Variants in ATP8A2 observed in about 807,000 individuals in gnomAD.
ATP8A2 encodes phospholipid-transporting ATPase IB.
ATP8A2 carries 100 observed loss-of-function variants against 165.6 expected under a neutral mutation model. The observed-to-expected ratio is 0.60, with a 90% CI of 0.51 to 0.71. The LOEUF is 0.71. ATP8A2 is among the 30% of genes least tolerant of loss of function. ATP8A2 has a pLI of 0.00. For missense variants in ATP8A2, 1,227 were observed against 1,479.5 expected (o/e 0.83, Z 2.80); for synonymous variants, 543 against 548.8 (o/e 0.99, Z 0.15).
chr13:25,952,508 A>G (rs1955396794), intron 33 of ATP8A2, among the ~76,000 whole-genome samples: 1 of 151,816 alleles, frequency 6.6e-6, no homozygotes, highest in Non-Finnish European at 1.5e-5. Context: ...AGCCTCCCAA[A>G]TTTCTGGGAC....
intron 13 of ATP8A2, among the ~76,000 whole-genome samples, chr13:25,556,472 G>T (rs2038985021): frequency 6.6e-6 from 1 of 151,984 alleles, no homozygotes; most frequent in African/African-American, 2.4e-5. Context: ...TTTGGTTTTT[G>T]CTTGTTCAGT....
intron 33 of ATP8A2, among the ~76,000 whole-genome samples, chr13:25,941,178 C>T (rs1269546588): frequency 2.0e-5 from 3 of 152,166 alleles, no homozygotes; most frequent in East Asian, 1.9e-4. Context: ...CTGGGGGACA[C>T]TTCCCCCTCC....
Position 25,579,871 on chromosome 13 carries a change from A to C in ATP8A2, c.1931A>C (p.Lys644Thr), listed in dbSNP as rs1593576921. The change falls in exon 22 of 37, where the codon AAA becomes ACA. Residue 644 changes from lysine (K) to threonine (T), a missense_variant. Coordinates refer to ENST00000381655, the MANE Select transcript of ATP8A2 (RefSeq NM_016529.6). ...LSENEYEEWL[K>T]VYQEASTILK... Reference sequence around the variant, plus strand: ...GAGAATGAGTATGAGGAGTGGCTGAAAGTCTATCAGGAAGCCAGCACCATA... The same window carrying C: ...GAGAATGAGTATGAGGAGTGGCTGACAGTCTATCAGGAAGCCAGCACCATA... The C allele has an allele frequency of 2.5e-5, 40 of 1,614,068 alleles. No individual in the cohort carries two copies. Among genetic ancestry groups the C allele is most frequent in the Non-Finnish European group, 3.3e-5 (39 of 1,180,000 alleles).
chr13:25,635,113 TG>T (rs1191354207), intron 24 of ATP8A2, among the ~76,000 whole-genome samples: 1 of 152,218 alleles, frequency 6.6e-6, no homozygotes, highest in Non-Finnish European at 1.5e-5. Flanking sequence ...CTTTGCTCTG[TG>T]CTGGGGATGT....
At chr13:25,751,893 A>G (rs1202133450) in intron 25 of ATP8A2, among the ~76,000 whole-genome samples, 1 of 150,844 alleles carries the variant, frequency 6.6e-6, no homozygotes, top group Non-Finnish European at 1.5e-5. Flanking sequence ...TTATCACTGC[A>G]TGTATATGTA....
chr13:25,829,680 A>G lies in ATP8A2; in HGVS notation c.2754+1488A>G, dbSNP rs1254808058. Among the ~76,000 whole-genome samples the G allele has an allele frequency of 8.3e-4, 24 of 28,894 alleles. 1 individual carries two copies. The highest frequency in any genetic ancestry group is 3.1e-3 in the African/African-American group (23 of 7,364). 19.0% of individuals were successfully genotyped at this position (28,894 alleles called of 152,430 possible). Reference sequence around the variant, plus strand: ...AAGGACAGGTGTGGTATATATATATATATATATATATATATATATATATAT... The same window carrying G: ...AAGGACAGGTGTGGTATATATATATGTATATATATATATATATATATATAT... On this transcript the variant is annotated intron_variant, in intron 28 of 36. Transcript: ENST00000381655.
intron 33 of ATP8A2, among the ~76,000 whole-genome samples, chr13:25,947,957 G>C (rs1048231468): frequency 6.6e-6 from 1 of 152,104 alleles, no homozygotes; most frequent in African/African-American, 2.4e-5. Context: ...ATGAGGGGAC[G>C]TTCACCTGCA....
At chr13:25,965,625 A>T (rs529928819) in intron 34 of ATP8A2, among the ~76,000 whole-genome samples, 1 of 152,212 alleles carries the variant, frequency 6.6e-6, no homozygotes, top group South Asian at 2.1e-4. Flanking sequence ...TTTACTGATG[A>T]CAGCATGCTT....
intron 1 of ATP8A2, among the ~76,000 whole-genome samples, chr13:25,449,875 A>C (rs879789665): frequency 1.3e-5 from 2 of 152,120 alleles, no homozygotes; most frequent in Non-Finnish European, 2.9e-5. Flanking sequence ...GGTTTGTTAC[A>C]TAGGTAAACT....
At chr13:25,770,700 C>T (rs1373561695) in intron 26 of ATP8A2, among the ~76,000 whole-genome samples, 2 of 152,168 alleles carry the variant, frequency 1.3e-5, no homozygotes, top group Non-Finnish European at 2.9e-5. Flanking sequence ...TGCTGGATCA[C>T]CCAGAAAACC....
chr13:25,389,537 C>T (rs559614883), intron 1 of ATP8A2, among the ~76,000 whole-genome samples: 1 of 152,220 alleles, frequency 6.6e-6, no homozygotes, highest in African/African-American at 2.4e-5. Flanking sequence ...CTTAGACACC[C>T]TGAGAGGTGT....
At chr13:25,561,942 G>A (rs2039168451) in intron 15 of ATP8A2, among the ~76,000 whole-genome samples, 1 of 152,202 alleles carries the variant, frequency 6.6e-6, no homozygotes, top group African/African-American at 2.4e-5. Context: ...TGTAGAATGT[G>A]CCAGAATCTT....
intron 24 of ATP8A2, among the ~76,000 whole-genome samples, chr13:25,600,353 G>A (rs1398395690): frequency 6.6e-6 from 1 of 152,190 alleles, no homozygotes; most frequent in African/African-American, 2.4e-5. Context: ...CCACCTGTGA[G>A]TGAGGAGTGT....
At chr13:25,697,034 C>T (rs951890870) in intron 24 of ATP8A2, among the ~76,000 whole-genome samples, 1 of 152,180 alleles carries the variant, frequency 6.6e-6, no homozygotes, top group Non-Finnish European at 1.5e-5. Flanking sequence ...GACACAGAGG[C>T]ACGAAGTGAG....
chr13:25,818,522 C>T (rs935024767), intron 27 of ATP8A2, among the ~76,000 whole-genome samples: 5 of 152,094 alleles, frequency 3.3e-5, no homozygotes, highest in East Asian at 1.9e-4. Context: ...TTCTCTGTGC[C>T]CCGATTTCCT....
chr13:25,454,958 C>G (rs2035326439), intron 1 of ATP8A2, among the ~76,000 whole-genome samples: 1 of 152,128 alleles, frequency 6.6e-6, no homozygotes, highest in Non-Finnish European at 1.5e-5. Flanking sequence ...GCTTTAACTA[C>G]TTGTAGAATT....
intron 25 of ATP8A2, among the ~76,000 whole-genome samples, chr13:25,708,571 G>T (rs543449753): frequency 6.6e-6 from 1 of 152,110 alleles, no homozygotes; most frequent in African/African-American, 2.4e-5. Flanking sequence ...TTGACAGCCA[G>T]TATTCTGCCT....
chr13:25,650,394 G>A (rs1022071629), intron 24 of ATP8A2, among the ~76,000 whole-genome samples: 4 of 152,074 alleles, frequency 2.6e-5, no homozygotes. Flanking sequence ...TTGTGATCTA[G>A]GAACTCTGAA....
At chr13:25,964,228 A>G (rs28375501) in intron 34 of ATP8A2, among the ~76,000 whole-genome samples, 2,541 of 152,302 alleles carry the variant, frequency 0.017, 78 homozygotes, top group African/African-American at 0.058. Context: ...TTAGGGGAGC[A>G]GGGAAAATAG....
Sources: allele counts gnomAD v4.1 joint callset (sites outside exome capture counted in the v4.1 genomes callset), GRCh38; gene constraint gnomAD v4.1.1; transcripts MANE v1.5; gene names NCBI Gene and HGNC (gene_info 2026-07-23, HGNC 2026-07-21).